SEMA5A: variants seen among roughly 807,000 people sequenced by gnomAD.
SEMA5A encodes semaphorin-5A.
Under a neutral mutation model 135.5 loss-of-function variants are expected in SEMA5A, and 55 were observed. That is an observed-to-expected ratio of 0.41 (90% confidence interval 0.33 to 0.51). The LOEUF is 0.51. Ranked by LOEUF, SEMA5A falls within the 20% of genes least tolerant of loss-of-function variation. The pLI is 0.37. For missense variants in SEMA5A, 1,290 were observed against 1,419.9 expected (o/e 0.91, Z 1.47); for synonymous variants, 580 against 546.5 (o/e 1.06, Z -0.85).
In SEMA5A at chr5:9,303,572, A is replaced by G. The variant is rs575498701; in HGVS notation, c.270+14800T>C. ...TTTATGTTTCTAGGAGGTATAATATATTATAAAATAGCTGGAAGAGAGACT... is the reference window on the plus strand; with the variant it reads ...TTTATGTTTCTAGGAGGTATAATATGTTATAAAATAGCTGGAAGAGAGACT... On this transcript the variant is annotated intron_variant, in intron 5 of 22. Transcript: ENST00000382496. 2.0e-5 allele frequency among the ~76,000 whole-genome samples: 3 copies of G among 152,280 alleles called. No homozygotes were observed. The East Asian group carries it at 5.8e-4, about 29-fold the overall frequency.
At chr5:9,373,266 C>T (rs374649983) in intron 3 of SEMA5A, among the ~76,000 whole-genome samples, 11 of 152,278 alleles carry the variant, frequency 7.2e-5, no homozygotes, top group African/African-American at 2.4e-4. Context: ...GAAAAATAAT[C>T]ATTCATACTG....
intron 3 of SEMA5A, among the ~76,000 whole-genome samples, chr5:9,361,331 C>CA (rs1200108480): frequency 1.3e-5 from 2 of 150,472 alleles, no homozygotes; most frequent in African/African-American, 4.9e-5. Flanking sequence ...ACAACAACAA[C>CA]AACAAAAACT....
chr5:9,121,435 C>T (rs1399002084), intron 14 of SEMA5A, among the ~76,000 whole-genome samples: 1 of 152,206 alleles, frequency 6.6e-6, no homozygotes, highest in Admixed American at 6.5e-5. Flanking sequence ...CATTGCAGCT[C>T]TGCTTAGAAA....
At chr5:9,159,788 A>C (rs1342328592) in intron 11 of SEMA5A, among the ~76,000 whole-genome samples, 1 of 152,248 alleles carries the variant, frequency 6.6e-6, no homozygotes, top group East Asian at 1.9e-4. Flanking sequence ...AATAGCAAAG[A>C]CATGGAACCA....
chr5:9,203,807 C>A (rs1745857344), intron 8 of SEMA5A, among the ~76,000 whole-genome samples: 1 of 152,008 alleles, frequency 6.6e-6, no homozygotes, highest in African/African-American at 2.4e-5. Context: ...TGCTTTCACC[C>A]TAAATGACTG....
At chr5:9,347,141 A>G (rs577296862) in intron 3 of SEMA5A, among the ~76,000 whole-genome samples, 1 of 152,346 alleles carries the variant, frequency 6.6e-6, no homozygotes, top group South Asian at 2.1e-4. Context: ...AGCATAAAGC[A>G]TCTTTCATTT....
Position 9,479,497 on chromosome 5 carries a change from C to A in SEMA5A, c.-174-41645G>T, listed in dbSNP as rs150912885. Among the ~76,000 whole-genome samples, 875 of 152,290 alleles carry A rather than the reference C, an allele frequency of 5.7e-3. 5 individuals are homozygous for A. The highest frequency in any genetic ancestry group is 9.4e-3 in the Non-Finnish European group (638 of 68,026). On this transcript the variant is annotated intron_variant, in intron 1 of 22. Transcript: ENST00000382496. ...GTGGGCTCTGCAGCTTATAAGTGTT[C>A]CATCTGGAGTGTCGGAGCGTCAGCT... is the stretch of plus-strand genomic sequence containing the variant.
intron 1 of SEMA5A, among the ~76,000 whole-genome samples, chr5:9,477,500 C>T (rs1759712367): frequency 6.6e-6 from 1 of 152,160 alleles, no homozygotes; most frequent in African/African-American, 2.4e-5. Context: ...TGTTGATAAT[C>T]AAGTCCAGGC....
intron 1 of SEMA5A, among the ~76,000 whole-genome samples, chr5:9,455,696 C>G (rs1161792700): frequency 6.6e-6 from 1 of 152,206 alleles, no homozygotes; most frequent in South Asian, 2.1e-4. Context: ...TTAAAAATGA[C>G]TATTCCATTT....
chr5:9,193,430 T>A (rs575429675), intron 10 of SEMA5A, among the ~76,000 whole-genome samples: 3 of 152,362 alleles, frequency 2.0e-5, no homozygotes, highest in African/African-American at 4.8e-5. Context: ...ACAATTTTTT[T>A]AAATGATAAT....
intron 12 of SEMA5A, among the ~76,000 whole-genome samples, chr5:9,137,674 G>T (rs1393468533): frequency 6.6e-6 from 1 of 152,106 alleles, no homozygotes; most frequent in African/African-American, 2.4e-5. Flanking sequence ...AGTGAGGGAG[G>T]TCCTGTTACA....
At chr5:9,292,855 G>C (rs1751153142) in intron 5 of SEMA5A, among the ~76,000 whole-genome samples, 1 of 152,156 alleles carries the variant, frequency 6.6e-6, no homozygotes, top group Non-Finnish European at 1.5e-5. Flanking sequence ...AGTATGTGTG[G>C]GGTGTGCTAC....
At chr5:9,511,929 G>C (rs1023063391) in intron 1 of SEMA5A, 2 of 152,106 alleles carry the variant, frequency 1.3e-5, no homozygotes, top group Non-Finnish European at 2.9e-5. Context: ...GTAACACTAA[G>C]GCAGACAACA....
At chr5:9,275,325 T>C (rs924097873) in intron 5 of SEMA5A, among the ~76,000 whole-genome samples, 2 of 152,102 alleles carry the variant, frequency 1.3e-5, no homozygotes, top group Non-Finnish European at 2.9e-5. Flanking sequence ...AGTTCTAAAA[T>C]TGAGGCAGCA....
chr5:9,197,028 TG>T, intron 10 of SEMA5A, 139 bp downstream of exon 10: 2 of 1,193,476 alleles, frequency 1.7e-6, no homozygotes, highest in South Asian at 1.5e-5. Flanking sequence ...CAGCAGAGTA[TG>T]GGGCTGTCCA....
At chr5:9,239,288 T>C (rs1202547497) in intron 5 of SEMA5A, among the ~76,000 whole-genome samples, 1 of 152,214 alleles carries the variant, frequency 6.6e-6, no homozygotes, top group Admixed American at 6.5e-5. Flanking sequence ...TAATTCCTTC[T>C]GTGCTGTTTC....
chr5:9,258,167 A>G (rs114919243), intron 5 of SEMA5A, among the ~76,000 whole-genome samples: 3 of 152,226 alleles, frequency 2.0e-5, no homozygotes, highest in African/African-American at 7.2e-5. Flanking sequence ...TGAAAAGAAT[A>G]TCAAGAGAAG....
Position 9,101,789 on chromosome 5 carries a change from T to C in SEMA5A, c.2073+6351A>G, listed in dbSNP as rs1739647856. Among the ~76,000 whole-genome samples the C allele has an allele frequency of 2.0e-5, 3 of 152,114 alleles. No homozygotes were observed. In the South Asian group the frequency reaches 6.2e-4, roughly 32 times the overall value. The stretch of plus-strand genomic sequence containing the variant: ...GTACCCTATTCAATAGTAGCCTATA[T>C]GAATAGCTTACTATTCATATAGGGT... On this transcript the variant is annotated intron_variant, in intron 16 of 22. Transcript: ENST00000382496.
At chr5:9,384,410 G>A (rs1340344052) in intron 2 of SEMA5A, among the ~76,000 whole-genome samples, 1 of 151,920 alleles carries the variant, frequency 6.6e-6, no homozygotes, top group East Asian at 1.9e-4. Flanking sequence ...TATGAAATTA[G>A]CAGCATCCCC....
Sources: gnomAD v4.1 joint callset for allele counts (sites outside exome capture counted in the v4.1 genomes callset) on GRCh38, gnomAD v4.1.1 for gene constraint, MANE v1.5 for transcripts, NCBI Gene and HGNC (gene_info 2026-07-23, HGNC 2026-07-21) for gene names.